Variants in RBFOX3 observed in about 807,000 individuals in gnomAD.
The protein encoded by RBFOX3 is RNA binding protein fox-1 homolog 3.
A neutral mutation model predicts 48.7 loss-of-function variants in RBFOX3; 17 were observed. The ratio of observed to expected loss-of-function variants is 0.35; its 90% confidence interval spans 0.24 to 0.52. The LOEUF (loss-of-function observed/expected upper bound fraction) is 0.52. RBFOX3 is among the 20% of genes least tolerant of loss of function. The pLI is 0.94. For missense variants in RBFOX3, 382 were observed against 497.5 expected (o/e 0.77, Z 2.21); for synonymous variants, 212 against 209.5 (o/e 1.01, Z -0.10).
At position 79,275,867 on chromosome 17, in the gene RBFOX3, C is replaced by T. The variant is rs753235810; in HGVS notation, c.-74+31857G>A. ...CACCGGAGGACCCAGGTGTTCCATC[C>T]GTGGTATATACCCAAGAGAAACGAA... On this transcript the variant is annotated intron_variant, in intron 3 of 14. Transcript: ENST00000693108. 6.9e-4 allele frequency among the ~76,000 whole-genome samples: 105 copies of T among 152,168 alleles called. 1 individual carries two copies. Among genetic ancestry groups the T allele is most frequent in the Admixed American group, 1.0e-3 (16 of 15,276 alleles).
intron 1 of RBFOX3, among the ~76,000 whole-genome samples, chr17:79,502,278 C>T (rs2082485357): frequency 6.6e-6 from 1 of 152,290 alleles, no homozygotes; most frequent in Middle Eastern, 3.4e-3. Flanking sequence ...AGGACTAATA[C>T]TCCACTCATG....
intron 4 of RBFOX3, among the ~76,000 whole-genome samples, chr17:79,188,395 A>G (rs545153563): frequency 6.2e-4 from 94 of 152,348 alleles, no homozygotes; most frequent in South Asian, 3.7e-3. Context: ...TCGGCGTGCA[A>G]AGGAAGTTTA....
chr17:79,298,849 G>T (rs1166005527), intron 3 of RBFOX3, among the ~76,000 whole-genome samples: 1 of 152,152 alleles, frequency 6.6e-6, no homozygotes, highest in Non-Finnish European at 1.5e-5. Flanking sequence ...TGTGGTGTGG[G>T]CATCACTGCA....
intron 4 of RBFOX3, among the ~76,000 whole-genome samples, chr17:79,138,277 G>A (rs1436536683): frequency 6.6e-6 from 1 of 152,142 alleles, no homozygotes; most frequent in East Asian, 1.9e-4. Flanking sequence ...TATTCCCCAT[G>A]TGCATACACA....
intron 2 of RBFOX3, among the ~76,000 whole-genome samples, chr17:79,406,611 A>C (rs754436764): frequency 3.9e-5 from 6 of 152,082 alleles, no homozygotes; most frequent in Non-Finnish European, 7.4e-5. Flanking sequence ...GGTGCCCTCC[A>C]TTTCCTTTCA....
At chr17:79,289,047 G>T (rs1277193145) in intron 3 of RBFOX3, among the ~76,000 whole-genome samples, 1 of 152,102 alleles carries the variant, frequency 6.6e-6, no homozygotes, top group Non-Finnish European at 1.5e-5. Flanking sequence ...ACTCACAGCT[G>T]TCCTCCTGTC....
the RBFOX3 span, among the ~76,000 whole-genome samples, chr17:79,616,140 T>C: frequency 6.6e-6 from 1 of 152,216 alleles, no homozygotes; most frequent in Admixed American, 6.5e-5. Context: ...CGACGGCCCG[T>C]TGGAGAGCTG....
intron 4 of RBFOX3, among the ~76,000 whole-genome samples, chr17:79,183,905 C>T (rs1245319078): frequency 1.3e-5 from 2 of 152,202 alleles, no homozygotes; most frequent in African/African-American, 4.8e-5. Context: ...CCTGCGCGCC[C>T]CTCCTCCCCC....
intron 3 of RBFOX3, chr17:79,298,065 CAGTT>C (rs1261189708): frequency 6.6e-6 from 1 of 152,102 alleles, no homozygotes; most frequent in African/African-American, 2.4e-5. Flanking sequence ...TTAGAGCAAA[CAGTT>C]AAAGGTAGAT....
intron 4 of RBFOX3, among the ~76,000 whole-genome samples, chr17:79,190,414 C>CAAAAAAA (rs71161650): frequency 0.05 from 4,637 of 92,650 alleles, 76 homozygotes; most frequent in East Asian, 0.12. Flanking sequence ...TCTGTCTCAC[C>CAAAAAAA]AAAAAAAAAA....
At chr17:79,428,093 G>A (rs1042105323) in intron 2 of RBFOX3, among the ~76,000 whole-genome samples, 5 of 152,258 alleles carry the variant, frequency 3.3e-5, no homozygotes, top group Non-Finnish European at 7.3e-5. Flanking sequence ...CCACAAGGCA[G>A]CCACTGTGCC....
chr17:79,396,956 G>A (rs2062066228), intron 2 of RBFOX3, among the ~76,000 whole-genome samples: 1 of 152,140 alleles, frequency 6.6e-6, no homozygotes, highest in East Asian at 1.9e-4. Context: ...ACGAACCCCT[G>A]TCACAGCGGC....
chr17:79,381,815 C>T (rs1051853759), intron 2 of RBFOX3, among the ~76,000 whole-genome samples: 3 of 152,198 alleles, frequency 2.0e-5, no homozygotes, highest in African/African-American at 4.8e-5. Flanking sequence ...AATGTTGCAG[C>T]TCCCTCCCTG....
chr17:79,565,460 C>T (rs2092422598), intron 1 of RBFOX3, among the ~76,000 whole-genome samples: 1 of 151,754 alleles, frequency 6.6e-6, no homozygotes, highest in African/African-American at 2.4e-5. Flanking sequence ...CTGCCTCAGC[C>T]TCCCAAGTAG....
the RBFOX3 span, among the ~76,000 whole-genome samples, chr17:79,636,198 C>G: frequency 2.0e-5 from 3 of 152,112 alleles, no homozygotes; most frequent in Admixed American, 6.5e-5. Flanking sequence ...TGATAGAACA[C>G]TATATCCAAG....
At chr17:79,625,584 G>A in the RBFOX3 span, among the ~76,000 whole-genome samples, 1 of 152,164 alleles carries the variant, frequency 6.6e-6, no homozygotes, top group African/African-American at 2.4e-5. Flanking sequence ...CTGAGGTCAG[G>A]AATTCGAGAC....
intron 4 of RBFOX3, among the ~76,000 whole-genome samples, chr17:79,188,322 G>C: frequency 6.6e-6 from 1 of 152,244 alleles, no homozygotes; most frequent in Admixed American, 6.5e-5. Flanking sequence ...CGGCTCAGCG[G>C]GGGTCCCCCA....
chr17:79,311,727 C>T lies in RBFOX3; in HGVS notation c.-174-3903G>A, dbSNP rs2076884870. On this transcript the variant is annotated intron_variant, in intron 2 of 14. Coordinates refer to ENST00000693108, the MANE Select transcript of RBFOX3 (RefSeq NM_001350451.2). This position sits in a 1 kb window ranked among gnomAD's most constrained non-coding sequence, Gnocchi z 4.2. ...TCTGTCCATCAACAGAACCAGACAT[C>T]CCACCTCCCCATGCTCTGCCCAGCA... is the stretch of plus-strand genomic sequence containing the variant. 2.0e-5 allele frequency among the ~76,000 whole-genome samples: 3 copies of T among 152,164 alleles called. No individual in the cohort carries two copies. Among genetic ancestry groups the T allele is most frequent in the Admixed American group, 1.3e-4 (2 of 15,284 alleles).
chr17:79,534,380 C>G (rs782492037), intron 1 of RBFOX3, among the ~76,000 whole-genome samples: 1 of 152,158 alleles, frequency 6.6e-6, no homozygotes, highest in Non-Finnish European at 1.5e-5. Context: ...CATTCCCCGG[C>G]GAGATGCTCA....
Sources: allele counts gnomAD v4.1 joint callset (sites outside exome capture counted in the v4.1 genomes callset), GRCh38; gene constraint gnomAD v4.1.1; non-coding constraint Gnocchi (gnomAD v3.1); transcripts MANE v1.5; gene names NCBI Gene and HGNC (gene_info 2026-07-23, HGNC 2026-07-21).